The following SGCZ variants were observed in gnomAD, a reference collection of about 807,000 sequenced individuals.
SGCZ encodes sarcoglycan zeta, also known as zeta-sarcoglycan.
Under a neutral mutation model 41.3 loss-of-function variants are expected in SGCZ, and 40 were observed. The ratio of observed to expected loss-of-function variants is 0.97; its 90% confidence interval spans 0.75 to 1.26. SGCZ has a LOEUF of 1.26. Among genes scored for constraint, SGCZ ranks in the 50% most tolerant of loss-of-function variants. SGCZ has a pLI of 0.00. For synonymous variants in SGCZ, 206 were observed against 137.5 expected (o/e 1.50, Z -3.49); for missense variants, 552 against 369.8 (o/e 1.49, Z -4.04).
chr8:14,993,115 C>A (rs1211187816), intron 1 of SGCZ, among the ~76,000 whole-genome samples: 3 of 152,234 alleles, frequency 2.0e-5, no homozygotes, highest in Non-Finnish European at 4.4e-5. Context: ...AATCTTCTCC[C>A]AAATATTATA....
intron 1 of SGCZ, among the ~76,000 whole-genome samples, chr8:14,766,472 T>C (rs1219056349): frequency 1.3e-5 from 2 of 152,084 alleles, no homozygotes; most frequent in Non-Finnish European, 2.9e-5. Context: ...TCTAACAAAA[T>C]TGCTGACTTA....
At chr8:14,887,179 T>C (rs1318174707) in intron 1 of SGCZ, among the ~76,000 whole-genome samples, 1 of 152,082 alleles carries the variant, frequency 6.6e-6, no homozygotes, top group Admixed American at 6.6e-5. Context: ...AAAGGAGAAG[T>C]CTTCACTGGA....
intron 1 of SGCZ, among the ~76,000 whole-genome samples, chr8:14,851,666 A>G (rs1803328954): frequency 6.6e-6 from 1 of 152,168 alleles, no homozygotes; most frequent in Admixed American, 6.5e-5. Context: ...ATATTTTAAT[A>G]CTTTTGTATC....
intron 1 of SGCZ, among the ~76,000 whole-genome samples, chr8:14,932,173 T>C (rs1187778256): frequency 2.0e-5 from 3 of 151,918 alleles, no homozygotes; most frequent in South Asian, 2.1e-4. Flanking sequence ...CTGGTGACAA[T>C]TGAAAATCAT....
At chr8:14,496,829 T>C (rs1802001864) in intron 2 of SGCZ, among the ~76,000 whole-genome samples, 1 of 152,232 alleles carries the variant, frequency 6.6e-6, no homozygotes, top group African/African-American at 2.4e-5. Flanking sequence ...TGTGTGTGTA[T>C]AAACAAGAGT....
intron 5 of SGCZ, among the ~76,000 whole-genome samples, chr8:14,108,728 G>A (rs1040256277): frequency 6.6e-6 from 1 of 152,014 alleles, no homozygotes; most frequent in African/African-American, 2.4e-5. Context: ...TGAATGAGAA[G>A]AATTGGAAGA....
chr8:14,368,227 A>G (rs922592243), intron 2 of SGCZ, among the ~76,000 whole-genome samples: 1 of 152,078 alleles, frequency 6.6e-6, no homozygotes, highest in Non-Finnish European at 1.5e-5. Context: ...GTGTATTTCA[A>G]TAAAATGGCT....
chr8:14,387,725 C>G (rs970210192), intron 2 of SGCZ, among the ~76,000 whole-genome samples: 21 of 151,790 alleles, frequency 1.4e-4, no homozygotes, highest in Non-Finnish European at 2.2e-4. Flanking sequence ...TCAATTAATA[C>G]ATATTTTAAA....
At chr8:15,192,992 G>A (rs571091) in intron 1 of SGCZ, among the ~76,000 whole-genome samples, 1,623 of 152,174 alleles carry the variant, frequency 0.011, 48 homozygotes, top group African/African-American at 0.035. Context: ...TACCCATTTA[G>A]TGGAGATTAT....
intron 2 of SGCZ, among the ~76,000 whole-genome samples, chr8:14,430,890 G>C (rs1000811971): frequency 6.6e-6 from 1 of 152,090 alleles, no homozygotes; most frequent in Non-Finnish European, 1.5e-5. Flanking sequence ...TAGCTTTTCT[G>C]TACACCAACA....
intron 1 of SGCZ, among the ~76,000 whole-genome samples, chr8:15,133,570 T>C (rs374203632): frequency 4.3e-4 from 66 of 152,344 alleles, no homozygotes; most frequent in African/African-American, 1.4e-3. Flanking sequence ...TTAAATACTG[T>C]AGTCAGATTC....
intron 1 of SGCZ, among the ~76,000 whole-genome samples, chr8:14,913,436 T>C (rs1799335741): frequency 2.0e-5 from 3 of 152,198 alleles, no homozygotes; most frequent in East Asian, 3.9e-4. Context: ...CATTTTTCCA[T>C]AAGAGCTATG....
intron 1 of SGCZ, among the ~76,000 whole-genome samples, chr8:14,827,223 T>A (rs1802361264): frequency 6.9e-6 from 1 of 145,930 alleles, no homozygotes; most frequent in South Asian, 2.1e-4. Context: ...TATATCACAT[T>A]TTCTTTTCTT....
intron 1 of SGCZ, among the ~76,000 whole-genome samples, chr8:14,867,008 T>C (rs572513532): frequency 6.6e-6 from 1 of 152,280 alleles, no homozygotes; most frequent in Admixed American, 6.5e-5. Flanking sequence ...TGGAAGTAAC[T>C]GAAATTCTGT....
At chr8:14,954,221 C>A (rs1406083693) in intron 1 of SGCZ, among the ~76,000 whole-genome samples, 2 of 152,108 alleles carry the variant, frequency 1.3e-5, no homozygotes, top group African/African-American at 4.8e-5. Flanking sequence ...TTTCTTTGAT[C>A]TTCCACTATT....
intron 1 of SGCZ, among the ~76,000 whole-genome samples, chr8:14,603,183 C>A (rs1805648133): frequency 6.6e-6 from 1 of 152,078 alleles, no homozygotes; most frequent in South Asian, 2.1e-4. Context: ...TTGAAGACCA[C>A]TAGCTTTGGA....
chr8:14,134,992 T>C (rs1178755941), intron 5 of SGCZ, among the ~76,000 whole-genome samples: 1 of 152,220 alleles, frequency 6.6e-6, no homozygotes, highest in Non-Finnish European at 1.5e-5. Flanking sequence ...TGTCTATAGA[T>C]ACCTTCACAC....
At chr8:14,465,321 C>G (rs978138566) in intron 2 of SGCZ, among the ~76,000 whole-genome samples, 3 of 151,452 alleles carry the variant, frequency 2.0e-5, no homozygotes, top group African/African-American at 7.3e-5. Context: ...ATATAATGTC[C>G]TTTTCTTGTG....
intron 1 of SGCZ, among the ~76,000 whole-genome samples, chr8:15,029,174 T>C (rs980097670): frequency 6.6e-6 from 1 of 152,024 alleles, no homozygotes; most frequent in East Asian, 1.9e-4. Context: ...CAGCAAGCAA[T>C]ACAGCATAAG....
Sources: allele counts gnomAD v4.1 joint callset (sites outside exome capture counted in the v4.1 genomes callset), GRCh38; gene constraint gnomAD v4.1.1; transcripts MANE v1.5; gene names NCBI Gene and HGNC (gene_info 2026-07-23, HGNC 2026-07-21).